The following WNK2 variants were observed in gnomAD, a reference collection of about 807,000 sequenced individuals.
The protein encoded by WNK2 is WNK lysine deficient protein kinase 2, also known as serine/threonine-protein kinase WNK2.
In WNK2, 67 loss-of-function variants were observed where a neutral mutation model predicts 192.1. The observed-to-expected ratio is 0.35, with a 90% CI of 0.29 to 0.43. WNK2 has a LOEUF of 0.43. WNK2 is among the 20% of genes least tolerant of loss of function. The pLI is 1.00. For missense variants in WNK2, 2,698 were observed against 3,089.7 expected (o/e 0.87, Z 3.01); for synonymous variants, 1,439 against 1,393.9 (o/e 1.03, Z -0.72).
intron 8 of WNK2, among the ~76,000 whole-genome samples, chr9:93,250,845 C>G (rs935248840): frequency 7.5e-6 from 1 of 132,618 alleles, no homozygotes; most frequent in Non-Finnish European, 1.5e-5. Flanking sequence ...AGTGTGGTGG[C>G]GCAATCTCGG....
chr9:93,245,568 G>A (rs768575904), intron 7 of WNK2, among the ~76,000 whole-genome samples: 9 of 152,236 alleles, frequency 5.9e-5, no homozygotes, highest in Non-Finnish European at 8.8e-5. Context: ...CTTGGTGCAC[G>A]GCGCCTGTGG....
In WNK2 at chr9:93,192,215, G is replaced by C. The variant is rs188120748; in HGVS notation, c.681+6605G>C. 1.8e-3 allele frequency among the ~76,000 whole-genome samples: 268 copies of C among 152,082 alleles called. 4 individuals are homozygous for C. Among genetic ancestry groups the C allele is most frequent in the Non-Finnish European group, 3.2e-4 (22 of 68,012 alleles). On this transcript the variant is annotated intron_variant, in intron 2 of 29. Coordinates refer to ENST00000427277, the MANE Select transcript of WNK2 (RefSeq NM_006648.4). ...TGTAGTCCCAGCTACTCGGGAGGCT[G>C]AGGCAAGAGAATCGCTTGAACCCAG...
chr9:93,243,032 C>T (rs1318984300), intron 7 of WNK2, among the ~76,000 whole-genome samples: 1 of 152,148 alleles, frequency 6.6e-6, no homozygotes, highest in Non-Finnish European at 1.5e-5. Context: ...GACGGCTGAG[C>T]GGCAGAGGGG....
At chr9:93,314,582 G>A (rs895339740) in intron 28 of WNK2, among the ~76,000 whole-genome samples, 1 of 152,126 alleles carries the variant, frequency 6.6e-6, no homozygotes, top group African/African-American at 2.4e-5. Context: ...CCATTTATAA[G>A]CAATGATGCC....
At chr9:93,198,158 G>A (rs1222545272) in intron 2 of WNK2, among the ~76,000 whole-genome samples, 1 of 152,224 alleles carries the variant, frequency 6.6e-6, no homozygotes, top group Non-Finnish European at 1.5e-5. Flanking sequence ...GGGTTGTGGT[G>A]CAGCTTGAGG....
In WNK2 at chr9:93,259,093, C is replaced by G. The variant is rs146411184; in HGVS notation, c.2545C>G (p.Pro849Ala). Residue 849 changes from proline (P) to alanine (A), a missense_variant, in exon 12 of 30, where the codon CCT becomes GCT. Around this residue, in one of 7 missense-constraint regions of WNK2, gnomAD observed 893 missense variants for 909.0 expected, o/e 0.98. Coordinates refer to ENST00000427277, the MANE Select transcript of WNK2 (RefSeq NM_006648.4). This position sits in a 1 kb window ranked among gnomAD's most constrained non-coding sequence, Gnocchi z 4.8. ...GCCGAGCCTCGCTGCCCCACTCCCC[C>G]CTGCGTCCCCAGCCTTGCCTCTGCA... ...ILPSLAAPLPPASPALPLQAV... is the reference protein window; with the variant it reads ...ILPSLAAPLPAASPALPLQAV... 8.3e-4 allele frequency: 1,332 copies of G among 1,612,996 alleles called. 2 individuals are homozygous for G. Among genetic ancestry groups the G allele is most frequent in the South Asian group, 1.3e-3 (117 of 91,076 alleles).
At chr9:93,207,396 C>T (rs1833592834) in intron 2 of WNK2, among the ~76,000 whole-genome samples, 1 of 152,180 alleles carries the variant, frequency 6.6e-6, no homozygotes, top group Non-Finnish European at 1.5e-5. Context: ...TTCAGCTCCC[C>T]ACCAGCTCCT....
At chr9:93,314,930 A>G (rs116689302) in intron 28 of WNK2, among the ~76,000 whole-genome samples, 3,670 of 152,182 alleles carry the variant, frequency 0.024, 152 homozygotes, top group African/African-American at 0.083. Flanking sequence ...CATTCCCTAA[A>G]CATTCTCATA....
intron 2 of WNK2, among the ~76,000 whole-genome samples, chr9:93,197,894 C>T (rs148187837): frequency 9.5e-4 from 145 of 152,204 alleles, no homozygotes; most frequent in African/African-American, 2.9e-3. Flanking sequence ...AGGTCAGATC[C>T]GGCTAGGCTG....
At chr9:93,254,559 G>T (rs770122051) in intron 9 of WNK2, among the ~76,000 whole-genome samples, 3 of 152,250 alleles carry the variant, frequency 2.0e-5, no homozygotes, top group Non-Finnish European at 4.4e-5. Context: ...GCTGTTTGCC[G>T]AGTCTGCCTT....
chr9:93,194,016 C>T (rs1292613724), intron 2 of WNK2, among the ~76,000 whole-genome samples: 1 of 152,174 alleles, frequency 6.6e-6, no homozygotes, highest in Non-Finnish European at 1.5e-5. Context: ...ACAAGATCAT[C>T]TTTTCAACAA....
chr9:93,217,303 A>G (rs1290210811), intron 2 of WNK2, among the ~76,000 whole-genome samples: 1 of 152,208 alleles, frequency 6.6e-6, no homozygotes, highest in South Asian at 2.1e-4. Context: ...CGTACTGTGC[A>G]CTTACAGAAC....
At chr9:93,266,987 C>G (rs1845264748) in intron 16 of WNK2, 1 of 152,312 alleles carries the variant, frequency 6.6e-6, no homozygotes, top group African/African-American at 2.4e-5. Context: ...AGCATTTTCT[C>G]TGCCTGAATG....
chr9:93,232,288 T>G (rs12683147), intron 4 of WNK2, among the ~76,000 whole-genome samples: 24,456 of 152,108 alleles, frequency 0.16, 2,182 homozygotes, highest in East Asian at 0.26. Context: ...TGGCCCTGTG[T>G]ACACAAAGCC....
In WNK2 at chr9:93,236,874, C is replaced by G. The variant is rs534403384; in HGVS notation, c.1234-1359C>G. On this transcript the variant is annotated intron_variant, in intron 5 of 29. Transcript: ENST00000427277. ...CCCATCCACCGCATCATGGCGCTGC[C>G]TCTACTAGCCTCCTGGAACAGGGGC... 1.7e-3 allele frequency among the ~76,000 whole-genome samples: 257 copies of G among 152,390 alleles called. 3 individuals carry two copies. The highest frequency in any genetic ancestry group is 6.0e-3 in the African/African-American group (248 of 41,594).
chr9:93,253,115 C>T (rs1842822706), intron 9 of WNK2, 33 bp downstream of exon 9: 2 of 812,880 alleles, frequency 2.5e-6, no homozygotes, highest in Admixed American at 3.7e-5. Context: ...CCCCCTTCCC[C>T]ATCCCCATTA....
At chr9:93,297,682 G>A (rs1016484269) in intron 23 of WNK2, among the ~76,000 whole-genome samples, 171 bp from the exon 24 acceptor site, 1 of 152,250 alleles carries the variant, frequency 6.6e-6, no homozygotes, top group African/African-American at 2.4e-5. Flanking sequence ...TGAACAAACA[G>A]TGTCATTTTA....
intron 29 of WNK2, chr9:93,318,142 C>T (rs1036121633): frequency 4.3e-5 from 65 of 1,522,006 alleles, no homozygotes; most frequent in African/African-American, 1.4e-5. Context: ...TTTTCCGTTC[C>T]CTGATGAAAA....
intron 19 of WNK2, chr9:93,269,036 C>A: frequency 7.9e-7 from 1 of 1,257,930 alleles, no homozygotes; most frequent in South Asian, 1.3e-5. Context: ...GTCCTTCCTT[C>A]ACAGTGTTAA....
Sources: allele counts gnomAD v4.1 joint callset (sites outside exome capture counted in the v4.1 genomes callset), GRCh38; gene constraint gnomAD v4.1.1; regional missense constraint gnomAD v4.1.1; non-coding constraint Gnocchi (gnomAD v3.1); transcripts MANE v1.5; gene names NCBI Gene and HGNC (gene_info 2026-07-23, HGNC 2026-07-21).